FAM186A: variants seen among roughly 807,000 people sequenced by gnomAD.
The protein encoded by FAM186A is protein FAM186A.
A neutral mutation model predicts 216.8 loss-of-function variants in FAM186A; 163 were observed. The ratio of observed to expected loss-of-function variants is 0.75; its 90% CI spans 0.66 to 0.86. The LOEUF (loss-of-function observed/expected upper bound fraction) is 0.86, where lower values mean the gene tolerates loss of function less well. FAM186A is among the 40% of genes least tolerant of loss of function. The pLI, the probability that FAM186A is intolerant of heterozygous loss-of-function variation, is 0.00. For missense variants in FAM186A, 2,184 were observed against 2,746.2 expected (o/e 0.80, Z 4.58); for synonymous variants, 805 against 1,025.3 (o/e 0.79, Z 4.10).
intron 1 of FAM186A, chr12:50,366,178 A>C (rs927233205): frequency 5.1e-6 from 3 of 591,160 alleles, no homozygotes; most frequent in South Asian, 2.1e-5. Flanking sequence ...ATCATGCAAA[A>C]TGAGTATTCT....
intron 1 of FAM186A, among the ~76,000 whole-genome samples, chr12:50,388,706 A>G (rs939744228): frequency 6.6e-6 from 1 of 152,078 alleles, no homozygotes; most frequent in Non-Finnish European, 1.5e-5. Flanking sequence ...AGAACAATTC[A>G]CAGACCTCAC....
At chr12:50,373,023 GAAAGAAAGAA>G (rs1565893012) in intron 1 of FAM186A, among the ~76,000 whole-genome samples, 1 of 142,408 alleles carries the variant, frequency 7.0e-6, no homozygotes, top group African/African-American at 2.6e-5. Context: ...AAGAAAGAAA[GAAAGAAAGAA>G]AGAAAGAAAG....
intron 1 of FAM186A, among the ~76,000 whole-genome samples, chr12:50,393,151 C>T (rs1016998915): frequency 6.6e-6 from 1 of 151,916 alleles, no homozygotes; most frequent in Non-Finnish European, 1.5e-5. Flanking sequence ...TGGTCTCGAT[C>T]TCCCGACCTC....
intron 1 of FAM186A, among the ~76,000 whole-genome samples, chr12:50,372,666 C>T (rs11169398): frequency 0.96 from 144,967 of 150,964 alleles, 69,862 homozygotes; most frequent in East Asian, 1. Flanking sequence ...TTTGGGAGGC[C>T]GAGGCGGGTG....
In FAM186A at chr12:50,355,811, A is replaced by G. The variant is rs1252253730; in HGVS notation, c.1021T>C (p.Tyr341His). ...GTTGATGATGTGGACAATTTTGCATATAGTTGTTCTATAACAATTTTGGAT... is the reference window on the plus strand; with the variant it reads ...GTTGATGATGTGGACAATTTTGCATGTAGTTGTTCTATAACAATTTTGGAT... ...IRSKIVIEQL[Y>H]AKLSTSSTLK... The change falls in exon 4 of 8, where the codon TAT becomes CAT. Residue 341 changes from tyrosine to histidine, a missense_variant. Tyr to His is a moderately conservative substitution (Grantham distance 83). Coordinates refer to ENST00000327337, the MANE Select transcript of FAM186A (RefSeq NM_001145475.3). The G allele has an allele frequency of 2.6e-6, 4 of 1,551,600 alleles. No individual in the cohort carries two copies. The highest frequency in any genetic ancestry group is 1.2e-5 in the South Asian group (1 of 84,034).
At position 50,363,126 on chromosome 12, in the gene FAM186A, A is replaced by T; in HGVS notation, c.412+19T>A. The stretch of plus-strand genomic sequence containing the variant: ...CATTAACTTTATGGTTTTCCTCTGA[A>T]CCGCTTCTGTAAACTTACTCCATTC... On this transcript the variant is annotated intron_variant, in intron 2 of 7. Transcript: ENST00000327337. The T allele has an allele frequency of 6.6e-7, 1 of 1,524,470 alleles. No individual in the cohort carries two copies. The highest frequency in any genetic ancestry group is 8.8e-7 in the Non-Finnish European group (1 of 1,133,158). The allele number at this position is 1,524,470 out of a possible 1,614,324, so 94.4% of individuals were successfully genotyped here.
chr12:50,336,895 GTA>G (rs771595917), intron 4 of FAM186A, among the ~76,000 whole-genome samples: 2 of 149,946 alleles, frequency 1.3e-5, no homozygotes, highest in Non-Finnish European at 1.5e-5. Context: ...ATATACATGC[GTA>G]TATATATATA....
At position 50,334,167 on chromosome 12, in the gene FAM186A, C is replaced by G. The variant is rs1174673004; in HGVS notation, c.6504-64G>C. ...CAGACCCTACTTCAACAAACTTGTC[C>G]TCAGTTTCTTTTTTTTTTTTGAGAC... On this transcript the variant is annotated intron_variant, in intron 4 of 7. Coordinates refer to ENST00000327337, the MANE Select transcript of FAM186A (RefSeq NM_001145475.3). The G allele has an allele frequency of 3.0e-6, 4 of 1,339,310 alleles. No individual in the cohort carries two copies. The Admixed American group carries it at 1.2e-4, about 41-fold the overall frequency. 83.0% of individuals were successfully genotyped at this position (1,339,310 alleles called of 1,614,324 possible). A position where few individuals can be genotyped will look rare whatever the true frequency, so the allele number is the denominator to read the frequency against.
chr12:50,383,267 AAAAAAAAAAAAAG>A (rs1011899879), intron 1 of FAM186A, among the ~76,000 whole-genome samples: 14 of 88,524 alleles, frequency 1.6e-4, no homozygotes, highest in South Asian at 1.2e-3. Context: ...AAAAAAAAAA[AAAAAAAAAAAAAG>A]AGAGAGAGAG....
Position 50,354,027 on chromosome 12 carries a change from T to C in FAM186A, c.2805A>G (p.Gln935=). The C allele has an allele frequency of 1.9e-6, 3 of 1,551,744 alleles. No individual in the cohort carries two copies. Among genetic ancestry groups the C allele is most frequent in the Non-Finnish European group, 2.6e-6 (3 of 1,147,018 alleles). The change falls in exon 4 of 8, where the codon CAA becomes CAG. Residue 935 remains glutamine, a synonymous_variant. Coordinates refer to ENST00000327337, the MANE Select transcript of FAM186A (RefSeq NM_001145475.3). ...CATTCTCCTTTTCCAAGAGCAACCC[T>C]TGTGTTTTCATTTTTTGGGTCCCTT... ...LEEGTQKMKT[Q]GLLLEKENGQ... is the part of the protein sequence containing the mutation.
chr12:50,349,104 G>T (rs1942849965), intron 4 of FAM186A, among the ~76,000 whole-genome samples: 1 of 151,886 alleles, frequency 6.6e-6, no homozygotes, highest in Non-Finnish European at 1.5e-5. Context: ...ACCCTGTTGT[G>T]CTTTCAAATG....
At chr12:50,372,678 A>G (rs1476743905) in intron 1 of FAM186A, among the ~76,000 whole-genome samples, 2 of 151,356 alleles carry the variant, frequency 1.3e-5, no homozygotes, top group Non-Finnish European at 2.9e-5. Flanking sequence ...AGGCGGGTGG[A>G]TCACTTGAGG....
In FAM186A at chr12:50,350,545, G is replaced by A; in HGVS notation, c.6287C>T (p.Ser2096Phe). Residue 2096 changes from serine (S) to phenylalanine (F), a missense_variant, in exon 4 of 8, where the codon TCT becomes TTT. Around this residue, in one of 7 missense-constraint regions of FAM186A, gnomAD observed 721 missense variants for 816.4 expected, o/e 0.88. Coordinates refer to ENST00000327337, the MANE Select transcript of FAM186A (RefSeq NM_001145475.3). ...KKPKVMVPPS[S>F]PQELEEKRYF... Reference sequence around the variant, plus strand: ...CCTCTTTTCTTCAAGTTCTTGAGGAGAGGAAGGGGGCACCATTACTTTGGG... The same window carrying A: ...CCTCTTTTCTTCAAGTTCTTGAGGAAAGGAAGGGGGCACCATTACTTTGGG... The A allele has an allele frequency of 7.1e-6, 11 of 1,551,650 alleles. No homozygotes were observed. Among genetic ancestry groups the A allele is most frequent in the Non-Finnish European group, 8.7e-6 (10 of 1,146,994 alleles).
At chr12:50,360,652 A>C in intron 3 of FAM186A, 104 bp downstream of exon 3, 1 of 1,017,370 alleles carries the variant, frequency 9.8e-7, no homozygotes, top group Non-Finnish European at 1.4e-6. Context: ...GCCACTGCAC[A>C]CCAGCCTGGG....
rs986214785 is a variant in FAM186A, at chr12:50,335,592, C to T, written c.6504-1489G>A. Among the ~76,000 whole-genome samples the T allele has an allele frequency of 2.3e-4, 35 of 151,346 alleles. No individual in the cohort carries two copies. In the East Asian group the frequency reaches 2.3e-3, roughly 10 times the overall value. On this transcript the variant is annotated intron_variant, in intron 4 of 7. Coordinates refer to ENST00000327337, the MANE Select transcript of FAM186A (RefSeq NM_001145475.3). ...CCGAGCAACAGAGGTTGCAGTGAGC[C>T]GAGATCGTGCCACTGCACTCCAGCC... is the stretch of plus-strand genomic sequence containing the variant.
Position 50,351,816 on chromosome 12 carries a change from C to T in FAM186A, c.5016G>A (p.Glu1672=). 2.6e-6 allele frequency: 4 copies of T among 1,546,220 alleles called. No individual in the cohort carries two copies. The highest frequency in any genetic ancestry group is 1.2e-5 in the South Asian group (1 of 83,412). The change falls in exon 4 of 8, where the codon GAG becomes GAA. Residue 1672 remains glutamate, a synonymous_variant. Transcript: ENST00000327337. ...GAGCCTGTTCTAAGTTCATAGGGGA[C>T]TCCAAAGCGTGGGTTTGCTCAGAGG... ...TLTSEQTHAL[E]SPMNLEQAQE...
At chr12:50,387,736 A>G (rs1351714272) in intron 1 of FAM186A, among the ~76,000 whole-genome samples, 1 of 152,166 alleles carries the variant, frequency 6.6e-6, no homozygotes. Flanking sequence ...GCTGGCAGAG[A>G]AGGAAAGATG....
chr12:50,359,808 C>A (rs1184834363), intron 3 of FAM186A, among the ~76,000 whole-genome samples: 1 of 152,138 alleles, frequency 6.6e-6, no homozygotes. Flanking sequence ...CAATATGATT[C>A]TGTTTGTGTG....
chr12:50,391,290 G>A (rs562289929), intron 1 of FAM186A, among the ~76,000 whole-genome samples: 1 of 151,442 alleles, frequency 6.6e-6, no homozygotes, highest in East Asian at 2.0e-4. Flanking sequence ...CACCATGCCA[G>A]GCCTTATTTT....
Sources: allele counts gnomAD v4.1 joint callset (sites outside exome capture counted in the v4.1 genomes callset), GRCh38; gene constraint gnomAD v4.1.1; regional missense constraint gnomAD v4.1.1; transcripts MANE v1.5; gene names NCBI Gene and HGNC (gene_info 2026-07-23, HGNC 2026-07-21).